Variants in SP6 observed in about 807,000 individuals in gnomAD.
The protein encoded by SP6 is transcription factor Sp6.
Under a neutral mutation model 23.4 loss-of-function variants are expected in SP6, and 10 were observed. That is an observed-to-expected ratio of 0.43 (90% CI 0.26 to 0.72). SP6 has a LOEUF of 0.72. Among genes scored for constraint, SP6 ranks in the 30% least tolerant of loss-of-function variants. The probability of loss-of-function intolerance (pLI) is 0.23; values close to 1 mark genes in which losing one functional copy is unlikely to be tolerated. For synonymous variants in SP6, 238 were observed against 238.7 expected (o/e 1.00, Z 0.03); for missense variants, 482 against 523.8 (o/e 0.92, Z 0.78).
the SP6 span, among the ~76,000 whole-genome samples, chr17:47,861,188 G>A: frequency 6.6e-6 from 1 of 152,128 alleles, no homozygotes; most frequent in South Asian, 2.1e-4. Flanking sequence ...ATCTGCTGCC[G>A]GTGGCTCAGG....
the SP6 span, among the ~76,000 whole-genome samples, chr17:47,874,322 C>G: frequency 6.6e-6 from 1 of 152,102 alleles, no homozygotes; most frequent in Non-Finnish European, 1.5e-5. Context: ...AATTCCTGGG[C>G]TCAAGTGATC....
At chr17:47,850,140 A>G (rs1329226108) in intron 1 of SP6, among the ~76,000 whole-genome samples, 1 of 152,194 alleles carries the variant, frequency 6.6e-6, no homozygotes, top group East Asian at 1.9e-4. Context: ...GGACCCTAAC[A>G]GCTTTTGGTG....
At chr17:47,861,472 C>A in the SP6 span, among the ~76,000 whole-genome samples, 1 of 152,216 alleles carries the variant, frequency 6.6e-6, no homozygotes, top group Admixed American at 6.5e-5. Flanking sequence ...GTGGCTTATG[C>A]CTGTAATCCC....
the SP6 span, among the ~76,000 whole-genome samples, chr17:47,867,080 A>G: frequency 6.6e-6 from 1 of 152,200 alleles, no homozygotes; most frequent in African/African-American, 2.4e-5. Flanking sequence ...GTACACACCC[A>G]TCGCTGACGT....
the SP6 span, chr17:47,865,128 C>CACAAGA: frequency 6.6e-6 from 1 of 152,280 alleles, no homozygotes; most frequent in African/African-American, 2.4e-5. Flanking sequence ...GAATTCGTTT[C>CACAAGA]GCTCTTGTGA....
the SP6 span, among the ~76,000 whole-genome samples, chr17:47,875,107 G>A: frequency 6.6e-6 from 1 of 152,058 alleles, no homozygotes; most frequent in African/African-American, 2.4e-5. Context: ...CAGAAACTCT[G>A]GCCTGGCATC....
At position 47,847,590 on chromosome 17, in the gene SP6, G is replaced by A. The variant is rs763720175; in HGVS notation, c.840C>T (p.Gly280=). The change falls in exon 2 of 2, where the codon GGC becomes GGT. Residue 280 remains glycine (G), a synonymous_variant. Coordinates refer to ENST00000536300, the MANE Select transcript of SP6 (RefSeq NM_001258248.2). ...HLKAHLRWHS[G]DRPFVCNWLF... is the part of the protein sequence containing the mutation. ...GCCAGTTGCACACGAAGGGACGGTC[G>A]CCGCTGTGCCAGCGCAGGTGCGCCT... 1 of 1,613,618 alleles carries A rather than the reference G, an allele frequency of 6.2e-7. No individual in the cohort carries two copies. The highest frequency in any genetic ancestry group is 8.5e-7 in the Non-Finnish European group (1 of 1,179,960).
rs1490192254 is a variant in SP6, at chr17:47,845,573, C to T, written c.*1726G>A. The T allele has an allele frequency of 6.6e-6, 1 of 152,486 alleles. No individual in the cohort carries two copies. Among genetic ancestry groups the T allele is most frequent in the African/African-American group, 2.4e-5 (1 of 41,376 alleles). 9.4% of individuals were successfully genotyped at this position (152,486 alleles called of 1,614,324 possible). A position where few individuals can be genotyped will look rare whatever the true frequency, so the allele number is the denominator to read the frequency against. ...ATAGCTCCCAGACCTTGGCTGGGCTCCAGCATCTACAAAGGAGGAAGAGAT... is the reference window on the plus strand; with the variant it reads ...ATAGCTCCCAGACCTTGGCTGGGCTTCAGCATCTACAAAGGAGGAAGAGAT... On this transcript the variant is annotated 3_prime_UTR_variant, in exon 2 of 2. Coordinates refer to ENST00000536300, the MANE Select transcript of SP6 (RefSeq NM_001258248.2).
upstream of SP6, among the ~76,000 whole-genome samples, chr17:47,856,834 G>T (rs2034001693): frequency 6.6e-6 from 1 of 151,902 alleles, no homozygotes; most frequent in Non-Finnish European, 1.5e-5. Context: ...CCAGAACCCA[G>T]TACCCCAAGA....
upstream of SP6, among the ~76,000 whole-genome samples, chr17:47,852,251 C>G (rs2051926191): frequency 1.3e-5 from 2 of 152,132 alleles, no homozygotes; most frequent in Admixed American, 1.3e-4. Flanking sequence ...TCAGCGCGCT[C>G]GCGGAGCTCA....
At position 47,847,927 on chromosome 17, in the gene SP6, G is replaced by C. The variant is rs946252123; in HGVS notation, c.503C>G (p.Pro168Arg). The change falls in exon 2 of 2, where the codon CCG becomes CGG. Residue 168 changes from proline (P) to arginine (R), a missense_variant. Pro to Arg is a moderately radical substitution (Grantham distance 103, BLOSUM62 -2). This residue lies in a region of SP6 where 330 missense variants were observed against 332.3 expected (regional missense o/e 0.99). Coordinates refer to ENST00000536300, the MANE Select transcript of SP6 (RefSeq NM_001258248.2). Reference protein sequence around the residue: ...DHQLCAPPPHPHAHHLLPAAG... With the variant: ...DHQLCAPPPHRHAHHLLPAAG... The stretch of plus-strand genomic sequence containing the variant: ...AGCTGGAAGGAGGTGGTGCGCATGC[G>C]GGTGGGGTGGCGGGGCACAAAGCTG... The C allele has an allele frequency of 5.1e-6, 8 of 1,567,538 alleles. No individual in the cohort carries two copies. The highest frequency in any genetic ancestry group is 6.9e-6 in the Non-Finnish European group (8 of 1,156,370).
chr17:47,865,747 A>G, the SP6 span, among the ~76,000 whole-genome samples: 1 of 152,150 alleles, frequency 6.6e-6, no homozygotes, highest in South Asian at 2.1e-4. Context: ...TGCTGCTGCT[A>G]TCCCTAGGGG....
chr17:47,867,426 G>T, the SP6 span, among the ~76,000 whole-genome samples: 1 of 152,178 alleles, frequency 6.6e-6, no homozygotes, highest in South Asian at 2.1e-4. Context: ...GGGAGGGCAG[G>T]GCCCTGGCTA....
At position 47,845,684 on chromosome 17, in the gene SP6, A is replaced by G. The variant is rs1213796423; in HGVS notation, c.*1615T>C. On this transcript the variant is annotated 3_prime_UTR_variant, in exon 2 of 2. Transcript: ENST00000536300. Reference sequence around the variant, plus strand: ...GACCCCAGGCTCAGTAGAGAAACACACATACATGCACACAGGTACACACAA... The same window carrying G: ...GACCCCAGGCTCAGTAGAGAAACACGCATACATGCACACAGGTACACACAA... 5 of 152,638 alleles carry G rather than the reference A, an allele frequency of 3.3e-5. No individual in the cohort carries two copies. Among genetic ancestry groups the G allele is most frequent in the Non-Finnish European group, 7.3e-5 (5 of 68,054 alleles). 9.5% of individuals were successfully genotyped at this position (152,638 alleles called of 1,614,324 possible). A position where few individuals can be genotyped will look rare whatever the true frequency, so the allele number is the denominator to read the frequency against.
chr17:47,862,507 CAAAAAAAAAAAAAA>C, the SP6 span, among the ~76,000 whole-genome samples: 29,337 of 86,296 alleles, frequency 0.34, 3,865 homozygotes, highest in Non-Finnish European at 0.41. Context: ...GACTTTGTCT[CAAAAAAAAAAAAAA>C]AAAAAAAAGG....
chr17:47,876,179 AAGAAG>A, the SP6 span, among the ~76,000 whole-genome samples: 1 of 152,208 alleles, frequency 6.6e-6, no homozygotes, highest in African/African-American at 2.4e-5. Flanking sequence ...GAGGTGGTTG[AAGAAG>A]AGAAGAAGAC....
upstream of SP6, among the ~76,000 whole-genome samples, chr17:47,851,709 C>T (rs1246189649): frequency 7.1e-6 from 1 of 140,780 alleles, no homozygotes; most frequent in Non-Finnish European, 1.6e-5. Context: ...TTCCCCCGAC[C>T]CCCGACCCCC....
At chr17:47,862,860 C>G in the SP6 span, among the ~76,000 whole-genome samples, 1 of 152,260 alleles carries the variant, frequency 6.6e-6, no homozygotes, top group South Asian at 2.1e-4. Flanking sequence ...AGCCTAGAAC[C>G]CTGGCAGAGA....
chr17:47,860,295 T>C (rs955011305), upstream of SP6, among the ~76,000 whole-genome samples: 3 of 152,218 alleles, frequency 2.0e-5, no homozygotes, highest in African/African-American at 7.2e-5. Context: ...TAAAGCCTTC[T>C]CCAGTTTTTC....
Sources: gnomAD v4.1 joint callset for allele counts (sites outside exome capture counted in the v4.1 genomes callset) on GRCh38, gnomAD v4.1.1 for gene constraint, gnomAD v4.1.1 regional missense constraint, MANE v1.5 for transcripts, NCBI Gene and HGNC (gene_info 2026-07-23, HGNC 2026-07-21) for gene names.